CORO2B: variants seen among roughly 807,000 people sequenced by gnomAD.
The protein encoded by CORO2B is coronin 2B.
In CORO2B, 26 loss-of-function variants were observed where a neutral mutation model predicts 58.8. That is an observed-to-expected ratio of 0.44 (90% confidence interval 0.32 to 0.61). The LOEUF is 0.61. Ranked by LOEUF, CORO2B falls within the 20% of genes least tolerant of loss-of-function variation. CORO2B has a pLI of 0.04. For synonymous variants in CORO2B, 242 were observed against 253.8 expected (o/e 0.95, Z 0.44); for missense variants, 460 against 645.1 (o/e 0.71, Z 3.11).
chr15:68,619,659 G>A (rs1900461223), intron 1 of CORO2B, among the ~76,000 whole-genome samples: 2 of 152,036 alleles, frequency 1.3e-5, no homozygotes, highest in South Asian at 4.2e-4. Flanking sequence ...TAAATGCTGG[G>A]TGTAAATGTG....
chr15:68,653,695 T>TAAAAGAAGGGTCAGGAGGAAAGGTG (rs1304050497), intron 2 of CORO2B, among the ~76,000 whole-genome samples: 8 of 152,148 alleles, frequency 5.3e-5, no homozygotes, highest in Admixed American at 5.2e-4. Context: ...GGCCTAATAT[T>TAAAAGAAGGGTCAGGAGGAAAGGTG]AAAAGAAGGG....
chr15:68,605,711 GTTTTTTTTTTTTT>G (rs35340917), intron 1 of CORO2B, among the ~76,000 whole-genome samples: 13 of 99,140 alleles, frequency 1.3e-4, no homozygotes, highest in Middle Eastern at 6.0e-3. Context: ...GGGCTCTTGG[GTTTTTTTTTTTTT>G]TTTTTTTTTT....
At chr15:68,700,292 G>A (rs769579028) in intron 3 of CORO2B, among the ~76,000 whole-genome samples, 1 of 152,186 alleles carries the variant, frequency 6.6e-6, no homozygotes, top group African/African-American at 2.4e-5. Flanking sequence ...GGGGCCCAGA[G>A]GGAAGCTCTT....
chr15:68,610,502 G>A (rs1340671463), intron 1 of CORO2B, among the ~76,000 whole-genome samples: 4 of 151,276 alleles, frequency 2.6e-5, no homozygotes, highest in Non-Finnish European at 4.4e-5. Flanking sequence ...TTGCTCTTTC[G>A]CTCACATCCC....
intron 1 of CORO2B, among the ~76,000 whole-genome samples, chr15:68,601,407 G>A (rs1290861198): frequency 6.6e-6 from 1 of 152,248 alleles, no homozygotes; most frequent in Non-Finnish European, 1.5e-5. Context: ...GTGCCTTTCG[G>A]TAGGCACCGA....
intron 1 of CORO2B, among the ~76,000 whole-genome samples, chr15:68,621,920 C>G (rs1051902661): frequency 9.9e-5 from 15 of 151,948 alleles, no homozygotes; most frequent in Admixed American, 9.8e-4. Flanking sequence ...CCATGCCTGG[C>G]TAATTTTTCT....
chr15:68,689,630 T>C (rs2131011), intron 2 of CORO2B, among the ~76,000 whole-genome samples: 136,196 of 152,174 alleles, frequency 0.9, 61,826 homozygotes, highest in East Asian at 1. Context: ...CAGGCTTCAG[T>C]GACAGACAGG....
chr15:68,587,474 C>T (rs1028078572), intron 1 of CORO2B, among the ~76,000 whole-genome samples: 1 of 152,198 alleles, frequency 6.6e-6, no homozygotes, highest in Admixed American at 6.5e-5. Context: ...GGCCAGCACT[C>T]TGCCTGTACG....
At chr15:68,611,775 C>CTT (rs200948998) in intron 1 of CORO2B, among the ~76,000 whole-genome samples, 2 of 140,068 alleles carry the variant, frequency 1.4e-5, no homozygotes, top group African/African-American at 2.6e-5. Flanking sequence ...CACTTTTTTT[C>CTT]TTTTTTTTTT....
At chr15:68,525,377 G>A in the CORO2B span, among the ~76,000 whole-genome samples, 3 of 152,238 alleles carry the variant, frequency 2.0e-5, no homozygotes, top group South Asian at 2.1e-4. Flanking sequence ...GACTACAGAT[G>A]TTTTGAAGCA....
At chr15:68,670,058 G>GAAA (rs34793532) in intron 2 of CORO2B, among the ~76,000 whole-genome samples, 3 of 141,980 alleles carry the variant, frequency 2.1e-5, no homozygotes, top group East Asian at 4.1e-4. Context: ...CTCTGTCTCA[G>GAAA]AAAAAAAAAA....
chr15:68,614,866 C>T (rs950202723), intron 1 of CORO2B, among the ~76,000 whole-genome samples: 4 of 152,208 alleles, frequency 2.6e-5, no homozygotes, highest in East Asian at 3.9e-4. Context: ...AAGATGGTCC[C>T]GAGGCTGGTC....
chr15:68,655,465 T>C (rs1901774800), intron 2 of CORO2B, among the ~76,000 whole-genome samples: 1 of 152,122 alleles, frequency 6.6e-6, no homozygotes, highest in African/African-American at 2.4e-5. Context: ...CCAGGGATCA[T>C]AGATTCCAAG....
chr15:68,580,650 G>A (rs1899405472), intron 1 of CORO2B, among the ~76,000 whole-genome samples: 1 of 152,118 alleles, frequency 6.6e-6, no homozygotes, highest in Admixed American at 6.5e-5. Context: ...GCCCACCTGG[G>A]GTAAGATGCT....
the CORO2B span, among the ~76,000 whole-genome samples, chr15:68,536,619 A>G: frequency 6.6e-6 from 1 of 152,250 alleles, no homozygotes; most frequent in African/African-American, 2.4e-5. Context: ...GTCAAAGACC[A>G]CTGATAGTGT....
At position 68,726,193 on chromosome 15, in the gene CORO2B, C is replaced by T. The variant is rs2140340316; in HGVS notation, c.*219C>T. 2 of 547,420 alleles carry T rather than the reference C, an allele frequency of 3.7e-6. No individual in the cohort carries two copies. The highest frequency in any genetic ancestry group is 4.7e-4 in the Middle Eastern group (1 of 2,112). 33.9% of individuals were successfully genotyped at this position (547,420 alleles called of 1,614,324 possible). A position where few individuals can be genotyped will look rare whatever the true frequency, so the allele number is the denominator to read the frequency against. ...TTCTGGAGACCCCCTGCCGGCAGCC[C>T]CTTTCCCTGCCACCCCAGGAGCCAG... On this transcript the variant is annotated 3_prime_UTR_variant, in exon 12 of 12. Transcript: ENST00000261861.
In CORO2B at chr15:68,726,371, AC is replaced by A; in HGVS notation, c.*398del. On this transcript the variant is annotated 3_prime_UTR_variant, in exon 12 of 12. Coordinates refer to ENST00000261861, the MANE Select transcript of CORO2B (RefSeq NM_006091.5). ...AAGGGGGCTGCCAGGACATCTCAGC[AC>A]TCCCGCCTGGAGCTCTCAGCATCAC... 3.7e-6 allele frequency: 1 copy of A among 270,418 alleles called. No individual in the cohort carries two copies. The allele number at this position is 270,418 out of a possible 1,614,324, so 16.8% of individuals were successfully genotyped here. A position where few individuals can be genotyped will look rare whatever the true frequency, so the allele number is the denominator to read the frequency against.
intron 1 of CORO2B, among the ~76,000 whole-genome samples, chr15:68,612,217 T>C (rs1900263763): frequency 6.6e-6 from 1 of 152,182 alleles, no homozygotes; most frequent in South Asian, 2.1e-4. Flanking sequence ...CATGTACACA[T>C]TGAAAGGGTC....
At chr15:68,545,736 T>G in the CORO2B span, among the ~76,000 whole-genome samples, 2 of 151,902 alleles carry the variant, frequency 1.3e-5, no homozygotes, top group Non-Finnish European at 1.5e-5. Context: ...ACTATCATAG[T>G]CCAATGCTGT....
Sources: allele counts gnomAD v4.1 joint callset (sites outside exome capture counted in the v4.1 genomes callset), GRCh38; gene constraint gnomAD v4.1.1; transcripts MANE v1.5; gene names NCBI Gene and HGNC (gene_info 2026-07-23, HGNC 2026-07-21).